Variants in DCLK1 observed in about 807,000 individuals in gnomAD.
The protein encoded by DCLK1 is doublecortin like kinase 1.
Under a neutral mutation model 86.2 loss-of-function variants are expected in DCLK1, and 16 were observed. That is an observed-to-expected ratio of 0.19 (90% confidence interval 0.13 to 0.28). DCLK1 has a LOEUF of 0.28. Among genes scored for constraint, DCLK1 ranks in the 10% least tolerant of loss-of-function variants. The pLI, the probability that DCLK1 is intolerant of heterozygous loss-of-function variation, is 1.00. For synonymous variants in DCLK1, 369 were observed against 370.5 expected, an observed-to-expected ratio of 1.00 and a Z score of 0.05; for missense variants, 590 against 940.2, an observed-to-expected ratio of 0.63 and a Z score of 4.87.
At position 35,978,367 on chromosome 13, in the gene DCLK1, G is replaced by A. The variant is rs571384526; in HGVS notation, c.724-30910C>T. On this transcript the variant is annotated intron_variant, in intron 3 of 16. Coordinates refer to ENST00000360631, the MANE Select transcript of DCLK1 (RefSeq NM_001330071.2). ...ATTACAGGCACGCGACATCACGCCC[G>A]GCTAATTTTTGTATTTTTAGTAGAG... Among the ~76,000 whole-genome samples the A allele has an allele frequency of 5.1e-4, 77 of 151,708 alleles. 1 individual carries two copies. The highest frequency in any genetic ancestry group is 1.6e-3 in the African/African-American group (67 of 41,368).
intron 2 of DCLK1, 69 bp downstream of exon 2, chr13:36,125,693 C>G: frequency 6.5e-7 from 1 of 1,532,634 alleles, no homozygotes; most frequent in Non-Finnish European, 8.7e-7. Context: ...AAATGCGAAT[C>G]GGCTACAACA....
intron 4 of DCLK1, among the ~76,000 whole-genome samples, chr13:35,884,832 G>A (rs1235752629): frequency 1.3e-5 from 2 of 152,158 alleles, no homozygotes; most frequent in Non-Finnish European, 2.9e-5. Flanking sequence ...TTCACAGAAG[G>A]TAAGGGTACT....
At chr13:35,978,149 T>C (rs1018393854) in intron 3 of DCLK1, among the ~76,000 whole-genome samples, 3 of 151,328 alleles carry the variant, frequency 2.0e-5, no homozygotes, top group African/African-American at 7.3e-5. Context: ...ACATTAAGAA[T>C]CGATTTTCTG....
rs190987131 is a variant in DCLK1 at position 35,996,743 on chromosome 13, A to G, written c.724-49286T>C. ...CACACAACCTATTGGTTCTGTTTCT[A>G]TGGAGAACCCTGATTAATACACCAC... On this transcript the variant is annotated intron_variant, in intron 3 of 16. Transcript: ENST00000360631. Among the ~76,000 whole-genome samples, 110 of 152,196 alleles carry G rather than the reference A, an allele frequency of 7.2e-4. 1 individual carries two copies. The highest frequency in any genetic ancestry group is 6.4e-3 in the Admixed American group (98 of 15,276).
chr13:36,013,571 A>C (rs374571532), intron 3 of DCLK1, among the ~76,000 whole-genome samples: 1 of 152,036 alleles, frequency 6.6e-6, no homozygotes, highest in Non-Finnish European at 1.5e-5. Flanking sequence ...CACTTGAGGA[A>C]GCAGTCTGCC....
intron 6 of DCLK1, chr13:35,848,581 G>C (rs1870382389): frequency 1.0e-6 from 1 of 985,098 alleles, no homozygotes; most frequent in African/African-American, 1.7e-5. Flanking sequence ...GTTTCTTTTT[G>C]CCCTGTCTAA....
At chr13:35,999,656 C>A (rs1880626070) in intron 3 of DCLK1, among the ~76,000 whole-genome samples, 1 of 152,120 alleles carries the variant, frequency 6.6e-6, no homozygotes. Flanking sequence ...TTTCTTGACA[C>A]AAAGAGAGCT....
intron 3 of DCLK1, among the ~76,000 whole-genome samples, chr13:36,031,086 C>G (rs1295499732): frequency 6.6e-6 from 1 of 152,204 alleles, no homozygotes; most frequent in Non-Finnish European, 1.5e-5. Context: ...ACAGTGATTG[C>G]TCAGACTCCG....
chr13:35,921,802 T>C (rs1875817030), intron 4 of DCLK1, among the ~76,000 whole-genome samples: 1 of 152,092 alleles, frequency 6.6e-6, no homozygotes, highest in Non-Finnish European at 1.5e-5. Flanking sequence ...ATGGGGCTGA[T>C]GACTGTGGGA....
intron 4 of DCLK1, among the ~76,000 whole-genome samples, chr13:35,921,090 C>A (rs1004947562): frequency 6.6e-6 from 1 of 152,206 alleles, no homozygotes; most frequent in African/African-American, 2.4e-5. Context: ...CCATTCTCAG[C>A]TGCTTTCAAA....
chr13:35,948,040 C>T (rs767427970), intron 3 of DCLK1, among the ~76,000 whole-genome samples: 2 of 152,208 alleles, frequency 1.3e-5, no homozygotes, highest in Non-Finnish European at 2.9e-5. Flanking sequence ...CAAGCTCTGC[C>T]AAACTCTAAA....
At chr13:35,965,378 A>G (rs1382547988) in intron 3 of DCLK1, among the ~76,000 whole-genome samples, 10 of 152,214 alleles carry the variant, frequency 6.6e-5, no homozygotes, top group Admixed American at 1.3e-4. Flanking sequence ...CTTTGACTCG[A>G]ATTTAACTGA....
At chr13:36,119,466 CAA>C (rs1425995628) in intron 2 of DCLK1, among the ~76,000 whole-genome samples, 3 of 152,272 alleles carry the variant, frequency 2.0e-5, no homozygotes, top group African/African-American at 7.2e-5. Flanking sequence ...TACACAGCAT[CAA>C]AGTTTCTTCC....
chr13:35,923,112 C>T (rs989184640), intron 4 of DCLK1, among the ~76,000 whole-genome samples: 2 of 152,118 alleles, frequency 1.3e-5, no homozygotes, highest in African/African-American at 4.8e-5. Context: ...ACAGGTCGAC[C>T]AGCCAGTAAA....
At chr13:35,946,464 T>A (rs1292475343) in intron 4 of DCLK1, among the ~76,000 whole-genome samples, 3 of 151,868 alleles carry the variant, frequency 2.0e-5, no homozygotes, top group African/African-American at 7.3e-5. Flanking sequence ...TCAAGTCAAG[T>A]GACCACATCA....
intron 4 of DCLK1, among the ~76,000 whole-genome samples, chr13:35,939,333 T>G (rs1419336225): frequency 6.6e-6 from 1 of 152,224 alleles, no homozygotes; most frequent in East Asian, 1.9e-4. Flanking sequence ...TATCCTTTTC[T>G]CATAAGACAA....
intron 10 of DCLK1, 68 bp downstream of exon 10, chr13:35,827,567 A>C: frequency 3.3e-5 from 51 of 1,539,354 alleles, no homozygotes; most frequent in African/African-American, 5.5e-5. Flanking sequence ...AAATAAGGGA[A>C]AGAGCTCTAG....
Position 35,912,397 on chromosome 13 carries a change from C to T in DCLK1, c.823+34961G>A, listed in dbSNP as rs1256724098. Among the ~76,000 whole-genome samples, 7 of 152,160 alleles carry T rather than the reference C, an allele frequency of 4.6e-5. No homozygotes were observed. In the East Asian group the frequency reaches 1.4e-3, roughly 29 times the overall value. On this transcript the variant is annotated intron_variant, in intron 4 of 16. Coordinates refer to ENST00000360631, the MANE Select transcript of DCLK1 (RefSeq NM_001330071.2). Reference sequence around the variant, plus strand: ...TCGAATGTTGTCTTTTTCAAAACTACCTATGGCCCACCCCACCCCCAGTCC... The same window carrying T: ...TCGAATGTTGTCTTTTTCAAAACTATCTATGGCCCACCCCACCCCCAGTCC...
intron 3 of DCLK1, among the ~76,000 whole-genome samples, chr13:36,019,900 T>A (rs970667846): frequency 6.6e-6 from 1 of 152,200 alleles, no homozygotes; most frequent in African/African-American, 2.4e-5. Context: ...CAGGTTGAAA[T>A]TCGATCTCCA....
Sources: gnomAD v4.1 joint callset for allele counts (sites outside exome capture counted in the v4.1 genomes callset) on GRCh38, gnomAD v4.1.1 for gene constraint, MANE v1.5 for transcripts, NCBI Gene and HGNC (gene_info 2026-07-23, HGNC 2026-07-21) for gene names.